INPP5K: variants seen among roughly 807,000 people sequenced by gnomAD.
INPP5K encodes inositol polyphosphate 5-phosphatase K.
A neutral mutation model predicts 53.5 loss-of-function variants in INPP5K; 35 were observed. The ratio of observed to expected loss-of-function variants is 0.65; its 90% CI spans 0.50 to 0.87. The LOEUF (loss-of-function observed/expected upper bound fraction) is 0.87. Ranked by LOEUF, INPP5K falls within the 40% of genes least tolerant of loss-of-function variation. The pLI is 0.00. For synonymous variants in INPP5K, 253 were observed against 232.8 expected (o/e 1.09, Z -0.79); for missense variants, 550 against 586.2 (o/e 0.94, Z 0.64).
At chr17:1,505,853 A>G (rs1301567361) in intron 7 of INPP5K, among the ~76,000 whole-genome samples, 1 of 152,134 alleles carries the variant, frequency 6.6e-6, no homozygotes, top group Non-Finnish European at 1.5e-5. Context: ...GACCCTCATG[A>G]CATGTAAGGG....
Position 1,496,627 on chromosome 17 carries a change from G to A in INPP5K, c.1101+39C>T, listed in dbSNP as rs147280662. 14,797 of 1,611,120 alleles carry A rather than the reference G, an allele frequency of 9.2e-3. 115 individuals are homozygous for A. The highest frequency in any genetic ancestry group is 0.015 in the Middle Eastern group (89 of 6,054). On this transcript the variant is annotated intron_variant, in intron 9 of 11. Coordinates refer to ENST00000421807, the MANE Select transcript of INPP5K (RefSeq NM_016532.4). ...AGCCCTCGGGAAGGATGAACCAGGG[G>A]CTGTCGCTGATGGACTTCCTGCCTT...
intron 3 of INPP5K, among the ~76,000 whole-genome samples, chr17:1,511,791 C>T (rs75404297): frequency 0.022 from 3,309 of 151,404 alleles, 158 homozygotes; most frequent in African/African-American, 0.076. Context: ...TAATCCCCAC[C>T]CACAAAGCAG....
intron 7 of INPP5K, among the ~76,000 whole-genome samples, chr17:1,500,510 G>A (rs1434106653): frequency 3.3e-5 from 5 of 152,060 alleles, no homozygotes; most frequent in Non-Finnish European, 7.4e-5. Context: ...GATTACAGGC[G>A]CCTGCCACCA....
rs148642752 is a variant in INPP5K at position 1,495,859 on chromosome 17, C to T, written c.1311G>A (p.Arg437=). The change falls in exon 12 of 12, where the codon AGG becomes AGA. Residue 437 remains arginine (R), a synonymous_variant. Transcript: ENST00000421807. ...GCTGTGCTTCACCCAGTGGGTCCTC[C>T]CTCAAGGAGCCAGGCGGGATCTGCA... ...RPFQIPPGSL[R]EDPLGEAQPQ... is the part of the protein sequence containing the mutation. 21 of 1,613,142 alleles carry T rather than the reference C, an allele frequency of 1.3e-5. No homozygotes were observed. The highest frequency in any genetic ancestry group is 9.3e-5 in the African/African-American group (7 of 74,910).
chr17:1,507,836 TGCCCG>T, intron 6 of INPP5K: 1 of 289,100 alleles, frequency 3.5e-6, no homozygotes, highest in Admixed American at 4.8e-5. Context: ...TAAGCCACCG[TGCCCG>T]GCCCCTATTC....
intron 8 of INPP5K, among the ~76,000 whole-genome samples, chr17:1,497,329 G>T (rs867819861): frequency 2.0e-4 from 30 of 152,176 alleles, no homozygotes; most frequent in African/African-American, 7.2e-4. Flanking sequence ...ATAACAGCCA[G>T]GCGTGGTGGC....
chr17:1,509,299 T>A lies in INPP5K; in HGVS notation c.433A>T (p.Ile145Phe). The stretch of plus-strand genomic sequence containing the variant: ...TGGGGAGGCAGGTGGCAGTTGATGA[T>A]GCTGACATAGTAGCCATAAAGCTTC... The part of the protein sequence containing the change: ...CLKLYGYYVS[I>F]INCHLPPHIS... The change falls in exon 5 of 12, where the codon ATC becomes TTC. Residue 145 changes from isoleucine (I) to phenylalanine (F), a missense_variant. Physicochemically the swap from Ile to Phe is conservative, Grantham distance 21. Coordinates refer to ENST00000421807, the MANE Select transcript of INPP5K (RefSeq NM_016532.4). 1 of 1,614,112 alleles carries A rather than the reference T, an allele frequency of 6.2e-7. No homozygotes were observed. Among genetic ancestry groups the A allele is most frequent in the South Asian group, 1.1e-5 (1 of 91,078 alleles).
intron 7 of INPP5K, 40 bp from the exon 8 acceptor site, chr17:1,498,162 G>A (rs929239037): frequency 7.8e-6 from 12 of 1,536,220 alleles, no homozygotes; most frequent in Non-Finnish European, 1.1e-5. Context: ...AATGGGGAAA[G>A]AAGAAAGGGT....
rs962285794 is a variant in INPP5K at position 1,512,313 on chromosome 17, T to C, written c.261+1140A>G. On this transcript the variant is annotated intron_variant, in intron 3 of 11. Transcript: ENST00000421807. ...GGAGTGGCGGGTGAGAGAGAAGTGG[T>C]TGTGTCCTCTGTAAGGATCTAGCTC... Among the ~76,000 whole-genome samples the C allele has an allele frequency of 2.0e-5, 3 of 151,804 alleles. No individual in the cohort carries two copies. In the South Asian group the frequency reaches 6.2e-4, roughly 32 times the overall value.
At chr17:1,500,537 T>C (rs1016479586) in intron 7 of INPP5K, among the ~76,000 whole-genome samples, 1 of 152,168 alleles carries the variant, frequency 6.6e-6, no homozygotes, top group African/African-American at 2.4e-5. Context: ...GCTAACTTTT[T>C]TGTATTTTTA....
At chr17:1,498,605 T>A (rs183160170) in intron 7 of INPP5K, among the ~76,000 whole-genome samples, 292 of 152,190 alleles carry the variant, frequency 1.9e-3, no homozygotes, top group African/African-American at 6.6e-3. Context: ...TTTTTAAATT[T>A]AATTTTATTT....
intron 7 of INPP5K, among the ~76,000 whole-genome samples, chr17:1,499,309 G>A (rs8070623): frequency 0.66 from 100,797 of 151,908 alleles, 33,750 homozygotes; most frequent in Non-Finnish European, 0.7. Context: ...TCAGGAGATC[G>A]AGACCATCCT....
chr17:1,503,587 G>A (rs1470000132), intron 7 of INPP5K, among the ~76,000 whole-genome samples: 2 of 152,014 alleles, frequency 1.3e-5, no homozygotes, highest in Non-Finnish European at 2.9e-5. Flanking sequence ...ATGGTGGCGG[G>A]TGCCTGTAAT....
At position 1,506,990 on chromosome 17, in the gene INPP5K, A is replaced by C. The variant is rs1424692443; in HGVS notation, c.766T>G (p.Tyr256Asp). Residue 256 changes from tyrosine (Y) to aspartate (D), a missense_variant, in exon 7 of 12, where the codon TAT becomes GAT. Coordinates refer to ENST00000421807, the MANE Select transcript of INPP5K (RefSeq NM_016532.4). ...TYKFDRNSND[Y>D]DTSEKKRKPA... ...CCACTCCCTCCTCACCTGGTGTCAT[A>C]GTCGTTGGAGTTCCTATCAAACTTG... 6.2e-7 allele frequency: 1 copy of C among 1,612,884 alleles called. No individual in the cohort carries two copies. Among genetic ancestry groups the C allele is most frequent in the Non-Finnish European group, 8.5e-7 (1 of 1,179,014 alleles).
rs1315946041 is a variant in INPP5K at position 1,516,595 on chromosome 17, G to A, written c.-96C>T. The A allele has an allele frequency of 3.7e-5, 53 of 1,424,856 alleles. No homozygotes were observed. The highest frequency in any genetic ancestry group is 4.2e-5 in the Non-Finnish European group (46 of 1,097,930). 88.3% of individuals were successfully genotyped at this position (1,424,856 alleles called of 1,614,324 possible). A position where few individuals can be genotyped will look rare whatever the true frequency, so the allele number is the denominator to read the frequency against. On this transcript the variant is annotated 5_prime_UTR_variant, in exon 1 of 12. Coordinates refer to ENST00000421807, the MANE Select transcript of INPP5K (RefSeq NM_016532.4). ...GCCCTGCGGGCGGCCGGTCTCACGC[G>A]CCTAGCTGTCGCGGACTGTTTTTCT...
chr17:1,498,182 G>C, intron 7 of INPP5K, 60 bp from the exon 8 acceptor site: 1 of 1,418,074 alleles, frequency 7.1e-7, no homozygotes, highest in East Asian at 2.3e-5. Context: ...TTGGCTAAGA[G>C]CAGAAATGAG....
chr17:1,507,341 G>A, intron 6 of INPP5K: 2 of 504,276 alleles, frequency 4.0e-6, no homozygotes, highest in East Asian at 3.4e-5. Flanking sequence ...AGACTGCAGG[G>A]ACCCAACTTG....
intron 7 of INPP5K, among the ~76,000 whole-genome samples, chr17:1,506,502 T>G (rs1194296128): frequency 6.6e-6 from 1 of 151,880 alleles, no homozygotes; most frequent in Non-Finnish European, 1.5e-5. Flanking sequence ...ACTACCAGAC[T>G]CATGATCTCT....
At chr17:1,497,545 A>G (rs2074887573) in intron 8 of INPP5K, among the ~76,000 whole-genome samples, 1 of 152,142 alleles carries the variant, frequency 6.6e-6, no homozygotes, top group Non-Finnish European at 1.5e-5. Flanking sequence ...GGAGGCCAAC[A>G]CCACCTTGGT....
Sources: gnomAD v4.1 joint callset for allele counts (sites outside exome capture counted in the v4.1 genomes callset) on GRCh38, gnomAD v4.1.1 for gene constraint, MANE v1.5 for transcripts, NCBI Gene and HGNC (gene_info 2026-07-23, HGNC 2026-07-21) for gene names.